OSBP2: variants seen among roughly 807,000 people sequenced by gnomAD.
The protein encoded by OSBP2 is oxysterol-binding protein 2.
Under a neutral mutation model 96.0 loss-of-function variants are expected in OSBP2, and 66 were observed. The observed-to-expected ratio is 0.69, with a 90% CI of 0.56 to 0.84. OSBP2 has a LOEUF of 0.84. Ranked by LOEUF, OSBP2 falls within the 40% of genes least tolerant of loss-of-function variation. The pLI, the probability that OSBP2 is intolerant of heterozygous loss-of-function variation, is 0.00. For missense variants in OSBP2, 1,038 were observed against 1,222.7 expected, an observed-to-expected ratio of 0.85 and a Z score of 2.25; for synonymous variants, 525 against 520.9, an observed-to-expected ratio of 1.01 and a Z score of -0.11.
chr22:30,861,857 G>C (rs1219982728), intron 2 of OSBP2, among the ~76,000 whole-genome samples: 2 of 152,132 alleles, frequency 1.3e-5, no homozygotes, highest in African/African-American at 4.8e-5. Flanking sequence ...TGCAGCTTCA[G>C]GGGGGCTCAG....
In OSBP2 at chr22:30,901,867, C is replaced by CA. The variant is rs1569175855; in HGVS notation, c.2376-3963dup. ...CGACGAGTGAAATTCTGTCCCCCCA[C>CA]AAAAAAAGATGAACAATCACATAGT... On this transcript the variant is annotated intron_variant, in intron 12 of 13. Coordinates refer to ENST00000332585, the MANE Select transcript of OSBP2 (RefSeq NM_030758.4). Among the ~76,000 whole-genome samples the CA allele has an allele frequency of 7.9e-5, 12 of 151,846 alleles. No individual in the cohort carries two copies. The South Asian group carries it at 2.5e-3, about 32-fold the overall frequency.
intron 12 of OSBP2, 161 bp downstream of exon 12, chr22:30,894,162 G>T: frequency 1.6e-6 from 1 of 621,226 alleles, no homozygotes; most frequent in Non-Finnish European, 2.8e-6. Flanking sequence ...GGCAGACACC[G>T]AACAGTAAAT....
intron 1 of OSBP2, among the ~76,000 whole-genome samples, chr22:30,715,054 C>CT (rs555357856): frequency 0.016 from 2,306 of 145,608 alleles, 29 homozygotes; most frequent in Middle Eastern, 0.042. Flanking sequence ...GAAAATGTTT[C>CT]TTTTTTTTTT....
At chr22:30,765,715 A>G (rs758420096) in intron 2 of OSBP2, among the ~76,000 whole-genome samples, 3 of 152,210 alleles carry the variant, frequency 2.0e-5, no homozygotes, top group Non-Finnish European at 4.4e-5. Context: ...TGCTGGATCC[A>G]GGAAGACAAA....
intron 2 of OSBP2, among the ~76,000 whole-genome samples, chr22:30,751,902 C>G (rs904612350): frequency 6.6e-6 from 1 of 152,224 alleles, no homozygotes; most frequent in African/African-American, 2.4e-5. Context: ...AGACATTCAC[C>G]TTCTGCTCAG....
chr22:30,797,179 C>G (rs2090776425), intron 2 of OSBP2, among the ~76,000 whole-genome samples: 1 of 152,220 alleles, frequency 6.6e-6, no homozygotes, highest in South Asian at 2.1e-4. Context: ...GATAGAATTT[C>G]CTTCCTTTTT....
chr22:30,705,270 TC>T (rs1448451378), intron 1 of OSBP2, among the ~76,000 whole-genome samples: 1 of 146,436 alleles, frequency 6.8e-6, no homozygotes, highest in East Asian at 2.0e-4. Flanking sequence ...GACCCCTTCC[TC>T]CCCAGTATTT....
intron 12 of OSBP2, among the ~76,000 whole-genome samples, chr22:30,895,142 G>A (rs966606862): frequency 1.3e-5 from 2 of 152,208 alleles, no homozygotes; most frequent in African/African-American, 4.8e-5. Flanking sequence ...CCCCCGCCAT[G>A]CTGCCCTGGA....
intron 2 of OSBP2, among the ~76,000 whole-genome samples, chr22:30,799,312 G>T (rs2090817946): frequency 6.6e-6 from 1 of 152,268 alleles, no homozygotes; most frequent in Non-Finnish European, 1.5e-5. Flanking sequence ...GTCTCACCAT[G>T]TCTTGGTCTT....
At position 30,881,629 on chromosome 22, in the gene OSBP2, C is replaced by T. The variant is rs1385791681; in HGVS notation, c.1108-5797C>T. The T allele has an allele frequency of 1.0e-5, 13 of 1,292,610 alleles. No individual in the cohort carries two copies. The highest frequency in any genetic ancestry group is 1.5e-5 in the African/African-American group (1 of 65,644). The allele number at this position is 1,292,610 out of a possible 1,614,324, so 80.1% of individuals were successfully genotyped here. A position where few individuals can be genotyped will look rare whatever the true frequency, so the allele number is the denominator to read the frequency against. On this transcript the variant is annotated intron_variant, in intron 3 of 13. Coordinates refer to ENST00000332585, the MANE Select transcript of OSBP2 (RefSeq NM_030758.4). This position sits in a 1 kb window ranked among gnomAD's most constrained non-coding sequence, Gnocchi z 4.5. ...AACCTCCCCCTGCCAGTCCCTCTGC[C>T]GGGCCCCAAGCCTAATCCAGCTTAT...
chr22:30,905,792 C>G (rs763847296), intron 12 of OSBP2, 45 bp from the exon 13 acceptor site: 1 of 1,603,722 alleles, frequency 6.2e-7, no homozygotes, highest in Non-Finnish European at 8.5e-7. Flanking sequence ...AGGTGTGGTC[C>G]GGCTCACACC....
chr22:30,703,963 A>G (rs2089204642), intron 1 of OSBP2, among the ~76,000 whole-genome samples: 1 of 152,226 alleles, frequency 6.6e-6, no homozygotes, highest in African/African-American at 2.4e-5. Context: ...CTTTCAGTGC[A>G]GGAGTGCTGA....
At chr22:30,809,029 C>G (rs1216975983) in intron 2 of OSBP2, among the ~76,000 whole-genome samples, 1 of 152,150 alleles carries the variant, frequency 6.6e-6, no homozygotes, top group Non-Finnish European at 1.5e-5. Flanking sequence ...AGGGGAAGGT[C>G]ATGTGAAGTC....
At chr22:30,869,778 G>C (rs1405523510) in intron 2 of OSBP2, among the ~76,000 whole-genome samples, 2 of 152,176 alleles carry the variant, frequency 1.3e-5, no homozygotes, top group African/African-American at 4.8e-5. Flanking sequence ...ACAGAAGGTG[G>C]CATTGGGCTG....
At chr22:30,868,313 C>T (rs2039387381) in intron 2 of OSBP2, among the ~76,000 whole-genome samples, 1 of 152,240 alleles carries the variant, frequency 6.6e-6, no homozygotes, top group South Asian at 2.1e-4. Flanking sequence ...ATTTTCTTGC[C>T]TGCAGGGAGG....
At chr22:30,766,059 C>A (rs1312645888) in intron 2 of OSBP2, among the ~76,000 whole-genome samples, 2 of 152,054 alleles carry the variant, frequency 1.3e-5, no homozygotes, top group Admixed American at 1.3e-4. Flanking sequence ...CATATCAAGA[C>A]CCCATCTTTC....
At chr22:30,893,396 C>T in intron 9 of OSBP2, 67 bp from the exon 10 acceptor site, 1 of 1,547,472 alleles carries the variant, frequency 6.5e-7, no homozygotes, top group Middle Eastern at 1.7e-4. Context: ...AGACACCAGG[C>T]CTAAGGGCAG....
In OSBP2 at chr22:30,870,334, G is replaced by A. The variant is rs535516229; in HGVS notation, c.854-95G>A. 7 of 1,295,924 alleles carry A rather than the reference G, an allele frequency of 5.4e-6. No individual in the cohort carries two copies. In the African/African-American group the frequency reaches 8.8e-5, roughly 16 times the overall value. 80.3% of individuals were successfully genotyped at this position (1,295,924 alleles called of 1,614,324 possible). A position where few individuals can be genotyped will look rare whatever the true frequency, so the allele number is the denominator to read the frequency against. ...CTCGGGGACTGATGTTTTTTGAATGGCGCTATCCACCCTGCCCTGCTCGGC... is the reference window on the plus strand; with the variant it reads ...CTCGGGGACTGATGTTTTTTGAATGACGCTATCCACCCTGCCCTGCTCGGC... On this transcript the variant is annotated intron_variant, in intron 2 of 13. Coordinates refer to ENST00000332585, the MANE Select transcript of OSBP2 (RefSeq NM_030758.4). The surrounding 1 kb of genome is among the most constrained non-coding windows in gnomAD (Gnocchi z 4.1).
At chr22:30,902,904 A>G (rs963299132) in intron 12 of OSBP2, 5 of 260,098 alleles carry the variant, frequency 1.9e-5, no homozygotes, top group Non-Finnish European at 4.0e-5. Context: ...CACAGTGGAA[A>G]CACAGCTTGT....
Sources: allele counts gnomAD v4.1 joint callset (sites outside exome capture counted in the v4.1 genomes callset), GRCh38; gene constraint gnomAD v4.1.1; non-coding constraint Gnocchi (gnomAD v3.1); transcripts MANE v1.5; gene names NCBI Gene and HGNC (gene_info 2026-07-23, HGNC 2026-07-21).